The following RELCH variants were observed in gnomAD, a reference collection of about 807,000 sequenced individuals.
The protein encoded by RELCH is RAB11 binding and LisH domain, coiled-coil and HEAT repeat containing, also known as RAB11-binding protein RELCH.
A neutral mutation model predicts 150.3 loss-of-function variants in RELCH; 41 were observed. That is an observed-to-expected ratio of 0.27 (90% CI 0.21 to 0.35). The LOEUF is 0.35. Ranked by LOEUF, RELCH falls within the 10% of genes least tolerant of loss-of-function variation. The pLI, the probability that RELCH is intolerant of heterozygous loss-of-function variation, is 1.00. For missense variants in RELCH, 1,092 were observed against 1,467.8 expected, an observed-to-expected ratio of 0.74 and a Z score of 4.18; for synonymous variants, 478 against 531.8, an observed-to-expected ratio of 0.90 and a Z score of 1.39.
intron 26 of RELCH, among the ~76,000 whole-genome samples, chr18:62,289,673 A>G (rs150719772): frequency 1.8e-4 from 28 of 152,334 alleles, no homozygotes; most frequent in South Asian, 6.2e-4. Flanking sequence ...ATCTCCCTTA[A>G]TAAACTAAGA....
chr18:62,214,247 T>C lies in RELCH; in HGVS notation c.616+3005T>C, dbSNP rs185209144. Among the ~76,000 whole-genome samples, 342 of 152,302 alleles carry C rather than the reference T, an allele frequency of 2.2e-3. 4 individuals are homozygous for C. Among genetic ancestry groups the C allele is most frequent in the African/African-American group, 7.9e-3 (328 of 41,554 alleles). ...TCAGTCTTTTAGTGCTCATGTACCATGGCTTGTTATTGAACCAAATGTGTG... is the reference window on the plus strand; with the variant it reads ...TCAGTCTTTTAGTGCTCATGTACCACGGCTTGTTATTGAACCAAATGTGTG... On this transcript the variant is annotated intron_variant, in intron 2 of 28. Transcript: ENST00000644646.
intron 2 of RELCH, among the ~76,000 whole-genome samples, chr18:62,219,019 T>G (rs1186977120): frequency 6.6e-6 from 1 of 152,074 alleles, no homozygotes; most frequent in Non-Finnish European, 1.5e-5. Flanking sequence ...TTTATAGAAA[T>G]GTACTATAGA....
chr18:62,298,691 A>G (rs1209662621), intron 27 of RELCH, 99 bp from the exon 28 acceptor site: 1 of 618,398 alleles, frequency 1.6e-6, no homozygotes, highest in Non-Finnish European at 2.8e-6. Context: ...TTTAATTAAC[A>G]TATTAGCTTA....
At chr18:62,269,550 A>G in intron 20 of RELCH, 1 of 239,590 alleles carries the variant, frequency 4.2e-6, no homozygotes, top group Non-Finnish European at 8.9e-6. Context: ...TTTGTGCATG[A>G]AACAGTTTGT....
chr18:62,204,371 C>A (rs988404997), intron 1 of RELCH, among the ~76,000 whole-genome samples: 1 of 151,944 alleles, frequency 6.6e-6, no homozygotes, highest in Non-Finnish European at 1.5e-5. Flanking sequence ...AGTCTCCCTC[C>A]GTCACCCAGG....
intron 2 of RELCH, among the ~76,000 whole-genome samples, chr18:62,216,661 A>G (rs1323614971): frequency 6.6e-6 from 1 of 152,080 alleles, no homozygotes; most frequent in East Asian, 1.9e-4. Context: ...ACAACGGTCA[A>G]TAGTACAGAC....
intron 13 of RELCH, among the ~76,000 whole-genome samples, chr18:62,257,453 A>AT: frequency 6.6e-6 from 1 of 152,024 alleles, no homozygotes; most frequent in African/African-American, 2.4e-5. Context: ...TCCCAGACAA[A>AT]TTTTCTAATT....
intron 23 of RELCH, 62 bp from the exon 24 acceptor site, chr18:62,280,584 A>C: frequency 2.2e-6 from 3 of 1,358,174 alleles, no homozygotes; most frequent in South Asian, 2.4e-5. Context: ...TTTAATATAC[A>C]TTTTAATAAT....
At chr18:62,268,686 G>A (rs1347779294) in intron 19 of RELCH, 183 bp from the exon 20 acceptor site, 3 of 344,218 alleles carry the variant, frequency 8.7e-6, no homozygotes, top group Non-Finnish European at 1.1e-5. Flanking sequence ...TTATGCTAGT[G>A]GCTCTTCAGG....
intron 24 of RELCH, 22 bp from the exon 25 acceptor site, chr18:62,282,284 C>T: frequency 6.2e-7 from 1 of 1,601,636 alleles, no homozygotes; most frequent in Non-Finnish European, 8.5e-7. Context: ...TATGAAATGA[C>T]TGTACAATAT....
At chr18:62,277,922 T>C (rs1477410432) in intron 22 of RELCH, 3 of 868,596 alleles carry the variant, frequency 3.5e-6, no homozygotes, top group South Asian at 1.1e-4. Context: ...AAAGAGGTCA[T>C]GGACTTTAAG....
intron 10 of RELCH, among the ~76,000 whole-genome samples, chr18:62,241,263 A>G (rs548659867): frequency 1.3e-5 from 2 of 152,102 alleles, no homozygotes; most frequent in South Asian, 2.1e-4. Context: ...TTGGCAAATT[A>G]TTTTTACCAC....
intron 11 of RELCH, chr18:62,247,092 C>A (rs2042454602): frequency 6.6e-6 from 1 of 152,176 alleles, no homozygotes; most frequent in Admixed American, 6.5e-5. Context: ...TTTAATATAT[C>A]TGAGATATCT....
chr18:62,231,074 G>A, intron 8 of RELCH, 120 bp from the exon 9 acceptor site: 1 of 640,288 alleles, frequency 1.6e-6, no homozygotes, highest in South Asian at 2.1e-5. Flanking sequence ...CAGAAATCTG[G>A]TTAGCTTTGT....
intron 24 of RELCH, among the ~76,000 whole-genome samples, chr18:62,281,800 A>C (rs1600224297): frequency 6.6e-6 from 1 of 152,234 alleles, no homozygotes; most frequent in Non-Finnish European, 1.5e-5. Flanking sequence ...TCACTGGTGA[A>C]GCCACAGAGG....
At chr18:62,243,977 G>A (rs921502742) in intron 10 of RELCH, among the ~76,000 whole-genome samples, 4 of 151,594 alleles carry the variant, frequency 2.6e-5, no homozygotes, top group African/African-American at 9.7e-5. Flanking sequence ...TATTACTTTT[G>A]GACCATTATT....
intron 1 of RELCH, among the ~76,000 whole-genome samples, chr18:62,194,799 GT>G (rs2038908006): frequency 6.6e-6 from 1 of 152,084 alleles, no homozygotes; most frequent in South Asian, 2.1e-4. Flanking sequence ...ATTTGTTTTT[GT>G]ATATATTTTG....
At chr18:62,229,508 GTGTGTGTGTGTGTC>G (rs2041428108) in intron 8 of RELCH, among the ~76,000 whole-genome samples, 1 of 148,860 alleles carries the variant, frequency 6.7e-6, no homozygotes. Flanking sequence ...GTGTGTGTGT[GTGTGTGTGTGTGTC>G]TGTCTGTCTG....
In RELCH at chr18:62,187,977, G is replaced by T. The variant is rs1045207314; in HGVS notation, c.472G>T (p.Val158Phe). Residue 158 changes from valine (V) to phenylalanine (F), a missense_variant, in exon 1 of 29, where the codon GTT (valine) becomes TTT (phenylalanine). Coordinates refer to ENST00000644646, the MANE Select transcript of RELCH (RefSeq NM_001346231.2). ...GCCAGGGGTCCCTGGAGCAGCCGGC[G>T]TTGGGGGCGCTGGAGGTCGGGAACC... Reference protein sequence around the residue: ...GAPGVPGAAGVGGAGGREPST... With the variant: ...GAPGVPGAAGFGGAGGREPST... The T allele has an allele frequency of 6.2e-7, 1 of 1,600,680 alleles. No individual in the cohort carries two copies. Among genetic ancestry groups the T allele is most frequent in the Admixed American group, 1.7e-5 (1 of 58,008 alleles).
Sources: allele counts gnomAD v4.1 joint callset (sites outside exome capture counted in the v4.1 genomes callset), GRCh38; gene constraint gnomAD v4.1.1; transcripts MANE v1.5; gene names NCBI Gene and HGNC (gene_info 2026-07-23, HGNC 2026-07-21).